SNX22: variants seen among roughly 807,000 people sequenced by gnomAD.
SNX22 encodes sorting nexin 22.
A neutral mutation model predicts 24.7 loss-of-function variants in SNX22; 23 were observed. The observed-to-expected ratio is 0.93, with a 90% confidence interval of 0.67 to 1.32. SNX22 has a LOEUF of 1.32. SNX22 is among the 40% of genes most tolerant of loss of function. The pLI is 0.00. For missense variants in SNX22, 261 were observed against 249.9 expected, an observed-to-expected ratio of 1.04 and a Z score of -0.30; for synonymous variants, 99 against 104.0, an observed-to-expected ratio of 0.95 and a Z score of 0.29.
chr15:64,152,304 A>C lies in SNX22; in HGVS notation c.137A>C (p.Glu46Ala), dbSNP rs867767805. ...RRHTVPRRYS[E>A]FHALHKRIKK... Reference sequence around the variant, plus strand: ...CACACGGTGCCAAGGCGCTACAGCGAGTTCCACGCGCTGCACAAGCGGGTG... The same window carrying C: ...CACACGGTGCCAAGGCGCTACAGCGCGTTCCACGCGCTGCACAAGCGGGTG... Residue 46 changes from glutamate (E) to alanine (A), a missense_variant, in exon 2 of 7, where the codon GAG becomes GCG. Glu to Ala is a moderately radical substitution (Grantham distance 107, BLOSUM62 -1). Coordinates refer to ENST00000325881, the MANE Select transcript of SNX22 (RefSeq NM_024798.3). 1 of 1,513,270 alleles carries C rather than the reference A, an allele frequency of 6.6e-7. No homozygotes were observed. Among genetic ancestry groups the C allele is most frequent in the South Asian group, 1.2e-5 (1 of 81,516 alleles). The allele number at this position is 1,513,270 out of a possible 1,614,324, so 93.7% of individuals were successfully genotyped here.
chr15:64,152,362 A>G, intron 2 of SNX22, 36 bp downstream of exon 2: 1 of 1,490,480 alleles, frequency 6.7e-7, no homozygotes, highest in East Asian at 2.5e-5. Context: ...GCCCCGGCCC[A>G]GCCTCTGTCC....
Position 64,154,648 on chromosome 15 carries a change from G to A in SNX22, c.*140G>A. The A allele has an allele frequency of 8.6e-7, 1 of 1,163,568 alleles. No individual in the cohort carries two copies. Among genetic ancestry groups the A allele is most frequent in the Non-Finnish European group, 1.2e-6 (1 of 825,442 alleles). 72.1% of individuals were successfully genotyped at this position (1,163,568 alleles called of 1,614,324 possible). On this transcript the variant is annotated 3_prime_UTR_variant, in exon 7 of 7. Coordinates refer to ENST00000325881, the MANE Select transcript of SNX22 (RefSeq NM_024798.3). ...CCAGTTGTGCCACATTCCCACTCAA[G>A]GCTCAGAACTTGGCTCGCATTGGTA...
intron 5 of SNX22, 34 bp from the exon 6 acceptor site, chr15:64,153,901 C>T (rs1049354242): frequency 8.7e-6 from 14 of 1,601,292 alleles, no homozygotes; most frequent in African/African-American, 1.3e-5. Flanking sequence ...CCCTGCCTCC[C>T]GCACCCATGG....
chr15:64,153,950 G>A lies in SNX22; in HGVS notation c.408G>A (p.Gln136=). 6.2e-7 allele frequency: 1 copy of A among 1,613,078 alleles called. No homozygotes were observed. Among genetic ancestry groups the A allele is most frequent in the East Asian group, 2.2e-5 (1 of 44,874 alleles). The part of the protein sequence containing the change: ...LPGDSSSQQH[Q]RPVLSFHVDP... ...TTCCTCCCAGCTCCCAGCAGCACCA[G>A]CGGCCTGTCCTGAGCTTCCATGTGG... Residue 136 remains glutamine, a synonymous_variant, in exon 6 of 7, where the codon CAG becomes CAA. Transcript: ENST00000325881.
At chr15:64,152,389 C>T (rs2081493171) in intron 2 of SNX22, 63 bp downstream of exon 2, 1 of 1,449,406 alleles carries the variant, frequency 6.9e-7, no homozygotes, top group South Asian at 1.4e-5. Context: ...CGCCCAGGCC[C>T]TGTGAGGCGG....
chr15:64,152,857 C>T, intron 3 of SNX22, 115 bp downstream of exon 3: 1 of 828,150 alleles, frequency 1.2e-6, no homozygotes, highest in Non-Finnish European at 1.9e-6. Context: ...ATGTTATTCA[C>T]CACCTCAAGC....
intron 1 of SNX22, 66 bp from the exon 2 acceptor site, chr15:64,152,177 C>T: frequency 7.6e-7 from 1 of 1,317,974 alleles, no homozygotes; most frequent in Non-Finnish European, 9.8e-7. Context: ...CGTCGCCAGG[C>T]GCAGGTGCTG....
rs113826624 is a variant in SNX22, at chr15:64,154,867, G to A, written c.*359G>A. ...AGCCTGACCACCATGGAGAAACCCC[G>A]TCTCTACTAAAAATACAAAATTAGC... On this transcript the variant is annotated 3_prime_UTR_variant, in exon 7 of 7. Coordinates refer to ENST00000325881, the MANE Select transcript of SNX22 (RefSeq NM_024798.3). 0.044 allele frequency: 7,259 copies of A among 164,644 alleles called. 208 individuals carry two copies. Among genetic ancestry groups the A allele is most frequent in the South Asian group, 0.084 (496 of 5,916 alleles). 10.2% of individuals were successfully genotyped at this position (164,644 alleles called of 1,614,324 possible). A position where few individuals can be genotyped will look rare whatever the true frequency, so the allele number is the denominator to read the frequency against.
intron 6 of SNX22, 116 bp downstream of exon 6, chr15:64,154,118 C>A (rs564890951): frequency 3.9e-5 from 62 of 1,606,838 alleles, no homozygotes; most frequent in Admixed American, 1.5e-4. Flanking sequence ...GAGCCACTAC[C>A]TCCTGCTCCT....
At chr15:64,152,415 C>T in intron 2 of SNX22, 89 bp downstream of exon 2, 1 of 1,358,624 alleles carries the variant, frequency 7.4e-7, no homozygotes, top group Non-Finnish European at 9.9e-7. Flanking sequence ...CGAGCCCCAG[C>T]CTCCGCCACC....
intron 3 of SNX22, chr15:64,153,034 C>T: frequency 1.6e-6 from 1 of 642,886 alleles, no homozygotes; most frequent in Non-Finnish European, 2.7e-6. Flanking sequence ...GGTGAGGGTC[C>T]TTCCCCCAAC....
Position 64,152,698 on chromosome 15 carries a change from A to G in SNX22, c.220A>G (p.Arg74Gly). The part of the protein sequence containing the change: ...PSKRLPNWRT[R>G]GLEQRRQGLE... The stretch of plus-strand genomic sequence containing the variant: ...GAAACGCCTGCCCAACTGGAGGACC[A>G]GAGGGTTGGAACAGCGCCGGCAGGG... Residue 74 changes from arginine (R) to glycine (G), a missense_variant, in exon 3 of 7, where the codon AGA becomes GGA. By Grantham distance (125) the Arg-to-Gly change is moderately radical (BLOSUM62 -2). Transcript: ENST00000325881. 1 of 1,614,234 alleles carries G rather than the reference A, an allele frequency of 6.2e-7. No individual in the cohort carries two copies. Among genetic ancestry groups the G allele is most frequent in the South Asian group, 1.1e-5 (1 of 91,088 alleles).
At chr15:64,153,452 C>G (rs2081501991) in intron 4 of SNX22, 113 bp downstream of exon 4, 1 of 1,547,964 alleles carries the variant, frequency 6.5e-7, no homozygotes, top group African/African-American at 1.4e-5. Flanking sequence ...CATGACCGCC[C>G]TCACCAGCTC....
At chr15:64,153,766 C>T in intron 5 of SNX22, 82 bp downstream of exon 5, 1 of 1,603,276 alleles carries the variant, frequency 6.2e-7, no homozygotes, top group Non-Finnish European at 8.5e-7. Flanking sequence ...CTGCCTGGGC[C>T]TGTCTGGCCT....
chr15:64,153,751 G>C, intron 5 of SNX22, 67 bp downstream of exon 5: 1 of 1,608,474 alleles, frequency 6.2e-7, no homozygotes, highest in Non-Finnish European at 8.5e-7. Context: ...TAGGAGGCAG[G>C]CCTGCTGCCT....
chr15:64,156,238 G>C lies in SNX22; in HGVS notation c.*1730G>C. The C allele has an allele frequency of 6.6e-7, 1 of 1,514,138 alleles. No individual in the cohort carries two copies. Among genetic ancestry groups the C allele is most frequent in the Non-Finnish European group, 9.1e-7 (1 of 1,103,826 alleles). 93.8% of individuals were successfully genotyped at this position (1,514,138 alleles called of 1,614,324 possible). On this transcript the variant is annotated 3_prime_UTR_variant, in exon 7 of 7. Coordinates refer to ENST00000325881, the MANE Select transcript of SNX22 (RefSeq NM_024798.3). The surrounding 1 kb of genome is among the most constrained non-coding windows in gnomAD (Gnocchi z 6.4). ...CCAGCGTATGGCTCAGGAGGGCTAAGACCCACAAGTGATCAACAGCACACA... is the reference window on the plus strand; with the variant it reads ...CCAGCGTATGGCTCAGGAGGGCTAACACCCACAAGTGATCAACAGCACACA...
At chr15:64,152,764 T>G in intron 3 of SNX22, 22 bp downstream of exon 3, 4 of 1,608,404 alleles carry the variant, frequency 2.5e-6, no homozygotes, top group Non-Finnish European at 3.4e-6. Context: ...CACAGTTGGT[T>G]GCCCCCCGGC....
chr15:64,157,248 T>G lies in SNX22; in HGVS notation c.*2740T>G, dbSNP rs1488671654. 5.4e-6 allele frequency: 2 copies of G among 367,340 alleles called. No homozygotes were observed. Among genetic ancestry groups the G allele is most frequent in the African/African-American group, 2.1e-5 (1 of 48,542 alleles). 22.8% of individuals were successfully genotyped at this position (367,340 alleles called of 1,614,324 possible). A position where few individuals can be genotyped will look rare whatever the true frequency, so the allele number is the denominator to read the frequency against. On this transcript the variant is annotated 3_prime_UTR_variant, in exon 7 of 7. Coordinates refer to ENST00000325881, the MANE Select transcript of SNX22 (RefSeq NM_024798.3). This position sits in a 1 kb window ranked among gnomAD's most constrained non-coding sequence, Gnocchi z 4.2. ...ACGGAGGGACTTTGGTGGAGGGAAG[T>G]GCCGTGCAGGATGCAGGGGAGTCAA...
At chr15:64,151,871 G>C in intron 1 of SNX22, 21 bp downstream of exon 1, 1 of 1,524,606 alleles carries the variant, frequency 6.6e-7, no homozygotes, top group Non-Finnish European at 8.8e-7. Flanking sequence ...CCCCTGGATG[G>C]GGAGGGGCGC....
Sources: allele counts gnomAD v4.1 joint callset, GRCh38; gene constraint gnomAD v4.1.1; non-coding constraint Gnocchi (gnomAD v3.1); transcripts MANE v1.5; gene names NCBI Gene and HGNC (gene_info 2026-07-23, HGNC 2026-07-21).